The following PPP2R2B variants were observed in gnomAD, a reference collection of about 807,000 sequenced individuals.
PPP2R2B encodes the protein protein phosphatase 2 regulatory subunit Bbeta, also known as serine/threonine-protein phosphatase 2A 55 kDa regulatory subunit B beta isoform.
In PPP2R2B, 5 loss-of-function variants were observed where a neutral mutation model predicts 46.0. The ratio of observed to expected loss-of-function variants is 0.11; its 90% CI spans 0.06 to 0.23. The LOEUF is 0.23. Among genes scored for constraint, PPP2R2B ranks in the 10% least tolerant of loss-of-function variants. PPP2R2B has a pLI of 1.00. For synonymous variants in PPP2R2B, 215 were observed against 206.7 expected (o/e 1.04, Z -0.34); for missense variants, 367 against 575.0 (o/e 0.64, Z 3.70).
intron 1 of PPP2R2B, among the ~76,000 whole-genome samples, chr5:147,012,764 A>G (rs1199482124): frequency 6.6e-6 from 1 of 151,592 alleles, no homozygotes; most frequent in African/African-American, 2.4e-5. Flanking sequence ...CGTCCCAGAG[A>G]TTCTGGTATG....
chr5:147,077,524 A>C (rs1757825812), intron 2 of PPP2R2B, among the ~76,000 whole-genome samples: 1 of 152,192 alleles, frequency 6.6e-6, no homozygotes, highest in Non-Finnish European at 1.5e-5. Flanking sequence ...CGTATAGAAA[A>C]TTAGGGTAGA....
chr5:146,693,510 C>G (rs577892640), intron 4 of PPP2R2B, among the ~76,000 whole-genome samples: 1 of 152,132 alleles, frequency 6.6e-6, no homozygotes, highest in Admixed American at 6.5e-5. Flanking sequence ...CCACCACACC[C>G]GACCACAACT....
chr5:146,981,622 C>G (rs776228899), intron 1 of PPP2R2B, among the ~76,000 whole-genome samples: 7 of 152,064 alleles, frequency 4.6e-5, no homozygotes, highest in Non-Finnish European at 7.4e-5. Flanking sequence ...TCAATAGTAA[C>G]TTCTTGCAAA....
At chr5:146,900,942 C>T (rs895207023) in intron 1 of PPP2R2B, among the ~76,000 whole-genome samples, 18 of 152,128 alleles carry the variant, frequency 1.2e-4, no homozygotes, top group Admixed American at 9.8e-4. Context: ...TCCATCCATC[C>T]CCCTGCAAAG....
chr5:146,896,802 T>C (rs1336403226), intron 1 of PPP2R2B, among the ~76,000 whole-genome samples: 1 of 152,066 alleles, frequency 6.6e-6, no homozygotes, highest in African/African-American at 2.4e-5. Context: ...TGTCAATACA[T>C]GAAAGCAGAG....
intron 1 of PPP2R2B, among the ~76,000 whole-genome samples, chr5:147,034,724 T>C (rs1755955534): frequency 6.6e-6 from 1 of 152,348 alleles, no homozygotes; most frequent in South Asian, 2.1e-4. Flanking sequence ...ATCTCATTTA[T>C]TTATTACATC....
At chr5:146,930,475 C>A (rs1763932497) in intron 1 of PPP2R2B, among the ~76,000 whole-genome samples, 1 of 151,994 alleles carries the variant, frequency 6.6e-6, no homozygotes, top group African/African-American at 2.4e-5. Flanking sequence ...GAAGAGAGGC[C>A]CTGGAGGGAT....
At chr5:146,795,784 CTGTT>C (rs1472270034) in intron 2 of PPP2R2B, among the ~76,000 whole-genome samples, 2 of 152,146 alleles carry the variant, frequency 1.3e-5, no homozygotes, top group Non-Finnish European at 2.9e-5. Context: ...TAAATACAAA[CTGTT>C]TTGTCAATTA....
intron 2 of PPP2R2B, among the ~76,000 whole-genome samples, chr5:146,852,757 A>G (rs1483938608): frequency 6.6e-6 from 1 of 152,160 alleles, no homozygotes; most frequent in African/African-American, 2.4e-5. Context: ...TAAGTTCACA[A>G]TACGATGGCT....
chr5:146,741,437 ATTC>A (rs1752871054), intron 2 of PPP2R2B, among the ~76,000 whole-genome samples: 2 of 152,168 alleles, frequency 1.3e-5, no homozygotes, highest in African/African-American at 2.4e-5. Flanking sequence ...AGTGCTGCAT[ATTC>A]ATAAAAATCC....
At chr5:146,618,066 A>C (rs1773360241) in intron 7 of PPP2R2B, among the ~76,000 whole-genome samples, 1 of 152,094 alleles carries the variant, frequency 6.6e-6, no homozygotes, top group Admixed American at 6.5e-5. Flanking sequence ...CTACACCCTA[A>C]TCCCTAGAAC....
At chr5:146,977,483 A>C (rs1047827545) in intron 1 of PPP2R2B, among the ~76,000 whole-genome samples, 1 of 152,060 alleles carries the variant, frequency 6.6e-6, no homozygotes, top group African/African-American at 2.4e-5. Flanking sequence ...CCATCAACCC[A>C]TCATCTACAT....
intron 2 of PPP2R2B, among the ~76,000 whole-genome samples, chr5:146,716,051 C>CA (rs1780479988): frequency 6.6e-6 from 1 of 152,102 alleles, no homozygotes; most frequent in African/African-American, 2.4e-5. Flanking sequence ...GTTGACATCT[C>CA]ATTCTTTGAG....
At chr5:146,659,745 A>C (rs1776564261) in intron 5 of PPP2R2B, among the ~76,000 whole-genome samples, 1 of 152,192 alleles carries the variant, frequency 6.6e-6, no homozygotes, top group Non-Finnish European at 1.5e-5. Flanking sequence ...AGTTTGCCCA[A>C]GGTCATATTG....
chr5:146,801,702 T>A (rs1432949898), intron 2 of PPP2R2B, among the ~76,000 whole-genome samples: 1 of 152,166 alleles, frequency 6.6e-6, no homozygotes, highest in Non-Finnish European at 1.5e-5. Context: ...AATGGAAATA[T>A]TACAATTACC....
At chr5:146,998,645 T>C (rs1471860878) in intron 1 of PPP2R2B, among the ~76,000 whole-genome samples, 1 of 152,218 alleles carries the variant, frequency 6.6e-6, no homozygotes, top group Non-Finnish European at 1.5e-5. Context: ...TTTACAGAAG[T>C]GTTCAGCCAG....
At chr5:146,691,767 C>T (rs1034644668) in intron 4 of PPP2R2B, among the ~76,000 whole-genome samples, 2 of 152,174 alleles carry the variant, frequency 1.3e-5, no homozygotes, top group African/African-American at 2.4e-5. Context: ...ACTCACTGTG[C>T]TCCAGACACA....
chr5:146,954,245 G>A (rs1470487350), intron 1 of PPP2R2B, among the ~76,000 whole-genome samples: 2 of 151,748 alleles, frequency 1.3e-5, no homozygotes. Flanking sequence ...CAAAATATAT[G>A]AGGATACTTT....
rs374546572 is a variant in PPP2R2B at position 146,771,326 on chromosome 5, TAA to T, written c.71-70186_71-70185del. On this transcript the variant is annotated intron_variant, in intron 2 of 9. Coordinates refer to ENST00000394411, the MANE Select transcript of PPP2R2B (RefSeq NM_181675.4). ...GACTTGACAATCTGGAGACAGATGA[TAA>T]AGTCTCAGCTTCTGATCACTAAACA... 7.2e-5 allele frequency among the ~76,000 whole-genome samples: 11 copies of T among 152,342 alleles called. No homozygotes were observed. In the East Asian group the frequency reaches 1.5e-3, roughly 21 times the overall value.
Sources: allele counts gnomAD v4.1 joint callset (sites outside exome capture counted in the v4.1 genomes callset), GRCh38; gene constraint gnomAD v4.1.1; transcripts MANE v1.5; gene names NCBI Gene and HGNC (gene_info 2026-07-23, HGNC 2026-07-21).